FRYL: variants seen among roughly 807,000 people sequenced by gnomAD.
The protein encoded by FRYL is protein furry homolog-like.
In FRYL, 150 loss-of-function variants were observed where a neutral mutation model predicts 351.2. That is an observed-to-expected ratio of 0.43 (90% CI 0.37 to 0.49). The LOEUF (loss-of-function observed/expected upper bound fraction) is 0.49, where lower values mean the gene tolerates loss of function less well. FRYL is among the 20% of genes least tolerant of loss of function. FRYL has a pLI of 0.00. For synonymous variants in FRYL, 1,153 were observed against 1,257.1 expected (o/e 0.92, Z 1.75); for missense variants, 3,036 against 3,619.3 (o/e 0.84, Z 4.13).
chr4:48,536,996 C>T (rs1399174924), intron 47 of FRYL, among the ~76,000 whole-genome samples: 1 of 152,034 alleles, frequency 6.6e-6, no homozygotes, highest in Non-Finnish European at 1.5e-5. Context: ...TCATTAAAAC[C>T]AGCTGATTTC....
chr4:48,737,180 C>T (rs1449687294), intron 1 of FRYL, among the ~76,000 whole-genome samples: 1 of 150,456 alleles, frequency 6.6e-6, no homozygotes, highest in African/African-American at 2.4e-5. Context: ...TCGTTTGAAC[C>T]CTGGAGGCGG....
intron 1 of FRYL, among the ~76,000 whole-genome samples, chr4:48,776,206 T>C (rs1776008218): frequency 6.6e-6 from 1 of 151,656 alleles, no homozygotes; most frequent in South Asian, 2.1e-4. Context: ...CATACTGCTC[T>C]TTAACTCCTG....
intron 2 of FRYL, among the ~76,000 whole-genome samples, chr4:48,702,685 C>T (rs551024165): frequency 3.5e-5 from 5 of 141,750 alleles, no homozygotes; most frequent in African/African-American, 7.9e-5. Flanking sequence ...GGTGTGAATC[C>T]GGGAGGCGGA....
intron 3 of FRYL, among the ~76,000 whole-genome samples, chr4:48,674,531 A>T (rs933352423): frequency 6.6e-6 from 1 of 151,704 alleles, no homozygotes; most frequent in African/African-American, 2.4e-5. Flanking sequence ...AGGTCAGGAG[A>T]TAGAGACCAT....
At chr4:48,623,013 T>A in intron 5 of FRYL, 113 bp downstream of exon 5, 2 of 663,102 alleles carry the variant, frequency 3.0e-6, no homozygotes, top group East Asian at 3.1e-5. Flanking sequence ...GAATTAAGCA[T>A]ACAAGGATAT....
rs570286825 is a variant in FRYL, at chr4:48,603,454, C to T, written c.835-66G>A. Reference sequence around the variant, plus strand: ...GTTAGATTAAACTATACAAAGAATACAAGAACTTTCTGTAAGGTTTGAAAT... The same window carrying T: ...GTTAGATTAAACTATACAAAGAATATAAGAACTTTCTGTAAGGTTTGAAAT... On this transcript the variant is annotated intron_variant, in intron 11 of 63. Coordinates refer to ENST00000358350, the MANE Select transcript of FRYL (RefSeq NM_015030.2). 6.6e-4 allele frequency: 684 copies of T among 1,033,924 alleles called. 6 individuals are homozygous for T. Among genetic ancestry groups the T allele is most frequent in the Middle Eastern group, 3.9e-3 (14 of 3,570 alleles). 64.0% of individuals were successfully genotyped at this position (1,033,924 alleles called of 1,614,324 possible). A position where few individuals can be genotyped will look rare whatever the true frequency, so the allele number is the denominator to read the frequency against.
At chr4:48,545,211 A>G (rs1387373102) in intron 42 of FRYL, among the ~76,000 whole-genome samples, 3 of 152,352 alleles carry the variant, frequency 2.0e-5, no homozygotes, top group South Asian at 4.1e-4. Flanking sequence ...TATAATCTGT[A>G]TTTAGATTGT....
At position 48,527,658 on chromosome 4, in the gene FRYL, T is replaced by C. The variant is rs1308756746; in HGVS notation, c.7141-5A>G. 6.7e-7 allele frequency: 1 copy of C among 1,495,916 alleles called. No individual in the cohort carries two copies. Among genetic ancestry groups the C allele is most frequent in the East Asian group, 2.4e-5 (1 of 41,714 alleles). 92.7% of individuals were successfully genotyped at this position (1,495,916 alleles called of 1,614,324 possible). A position where few individuals can be genotyped will look rare whatever the true frequency, so the allele number is the denominator to read the frequency against. On this transcript the variant is annotated splice_polypyrimidine_tract_variant and splice_region_variant and intron_variant, in intron 52 of 63. Transcript: ENST00000358350. ...CTCATTAGAAGAAAATACAACCTGA[T>C]GCCCGATTAAAAAAAAAAAAAAAGT...
At chr4:48,609,673 A>G in intron 8 of FRYL, 71 bp downstream of exon 8, 1 of 674,010 alleles carries the variant, frequency 1.5e-6, no homozygotes, top group Non-Finnish European at 2.5e-6. Flanking sequence ...ACAAATGATC[A>G]GTAAGACTTA....
chr4:48,641,275 G>A (rs1466408607), intron 3 of FRYL, among the ~76,000 whole-genome samples: 1 of 152,154 alleles, frequency 6.6e-6, no homozygotes, highest in Non-Finnish European at 1.5e-5. Flanking sequence ...CAAGAGCAGA[G>A]AGTGGGCTTT....
At chr4:48,699,758 T>C (rs1033444258) in intron 2 of FRYL, among the ~76,000 whole-genome samples, 1 of 151,160 alleles carries the variant, frequency 6.6e-6, no homozygotes, top group African/African-American at 2.4e-5. Context: ...CTTTTCCTTT[T>C]TCCTCCTCTA....
intron 53 of FRYL, among the ~76,000 whole-genome samples, chr4:48,524,180 C>CT (rs567950708): frequency 5.1e-3 from 698 of 137,728 alleles, no homozygotes; most frequent in Middle Eastern, 7.2e-3. Flanking sequence ...GTTTTCAAAT[C>CT]TTTTTTTTTT....
At chr4:48,521,991 T>C (rs1725013312) in intron 54 of FRYL, among the ~76,000 whole-genome samples, 1 of 152,050 alleles carries the variant, frequency 6.6e-6, no homozygotes, top group South Asian at 2.1e-4. Context: ...AAATTAAAGG[T>C]AGGTGGCTGG....
chr4:48,557,242 C>T, intron 34 of FRYL, 124 bp from the exon 35 acceptor site: 1 of 1,257,348 alleles, frequency 8.0e-7, no homozygotes, highest in East Asian at 2.5e-5. Context: ...CCACACTTTA[C>T]AGAAACAATA....
Position 48,579,136 on chromosome 4 carries a change from A to G in FRYL, c.2365T>C (p.Trp789Arg). ...QFDVISPSHIWIFAHVTQGQD... is the reference protein window; with the variant it reads ...QFDVISPSHIRIFAHVTQGQD... Reference sequence around the variant, plus strand: ...CCTTGGGTCACATGTGCAAATATCCATATATGTGATGGACTAATCACATCA... The same window carrying G: ...CCTTGGGTCACATGTGCAAATATCCGTATATGTGATGGACTAATCACATCA... Residue 789 changes from tryptophan (W) to arginine (R), a missense_variant, in exon 23 of 64, where the codon TGG becomes CGG. Physicochemically the swap from Trp to Arg is moderately radical, Grantham distance 101. Around this residue, in one of 7 missense-constraint regions of FRYL, gnomAD observed 492 missense variants for 551.5 expected, o/e 0.89. Coordinates refer to ENST00000358350, the MANE Select transcript of FRYL (RefSeq NM_015030.2). 2 of 1,613,976 alleles carry G rather than the reference A, an allele frequency of 1.2e-6. No homozygotes were observed. Among genetic ancestry groups the G allele is most frequent in the Non-Finnish European group, 1.7e-6 (2 of 1,179,846 alleles).
At chr4:48,726,049 T>G (rs914524281) in intron 1 of FRYL, among the ~76,000 whole-genome samples, 2 of 152,192 alleles carry the variant, frequency 1.3e-5, no homozygotes, top group African/African-American at 2.4e-5. Flanking sequence ...TCTCAGAATT[T>G]CAGAGATAAT....
At chr4:48,593,588 TGCCA>T (rs1578262593) in intron 16 of FRYL, among the ~76,000 whole-genome samples, 2 of 151,540 alleles carry the variant, frequency 1.3e-5, no homozygotes, top group Non-Finnish European at 2.9e-5. Flanking sequence ...TCAGGTGATC[TGCCA>T]GCCTCAGGTG....
At chr4:48,513,849 C>G (rs1462030390) in intron 56 of FRYL, among the ~76,000 whole-genome samples, 1 of 152,200 alleles carries the variant, frequency 6.6e-6, no homozygotes, top group Non-Finnish European at 1.5e-5. Flanking sequence ...TCTATTTCAG[C>G]TGCAGTACTT....
chr4:48,551,524 T>C lies in FRYL; in HGVS notation c.4490A>G (p.Asn1497Ser), dbSNP rs190941081. The part of the protein sequence containing the change: ...MVAPTDGNPD[N>S]KPIKENIEES... ...TTCAATATTCTCTTTAATGGGCTTA[T>C]TATCAGGATTGCCATCTGTGGGAGC... Residue 1497 changes from asparagine to serine, a missense_variant, in exon 37 of 64, where the codon AAT becomes AGT. Asn to Ser is a conservative substitution (Grantham distance 46). This residue lies in a region of FRYL where 1,987 missense variants were observed against 2,311.7 expected (regional missense o/e 0.86). Transcript: ENST00000358350. The C allele has an allele frequency of 8.1e-6, 13 of 1,611,308 alleles. No individual in the cohort carries two copies. Among genetic ancestry groups the C allele is most frequent in the Middle Eastern group, 1.7e-4 (1 of 6,052 alleles).
Sources: allele counts gnomAD v4.1 joint callset (sites outside exome capture counted in the v4.1 genomes callset), GRCh38; gene constraint gnomAD v4.1.1; regional missense constraint gnomAD v4.1.1; transcripts MANE v1.5; gene names NCBI Gene and HGNC (gene_info 2026-07-23, HGNC 2026-07-21).